The following EXOC1 variants were observed in gnomAD, a reference collection of about 807,000 sequenced individuals.
The protein encoded by EXOC1 is exocyst complex component 1, also known as SEC3-like 1.
A neutral mutation model predicts 107.7 loss-of-function variants in EXOC1; 67 were observed. The ratio of observed to expected loss-of-function variants is 0.62; its 90% CI spans 0.51 to 0.76. The LOEUF (loss-of-function observed/expected upper bound fraction) is 0.76. Ranked by LOEUF, EXOC1 falls within the 30% of genes least tolerant of loss-of-function variation. The pLI is 0.00. For missense variants in EXOC1, 833 were observed against 1,055.7 expected (o/e 0.79, Z 2.92); for synonymous variants, 348 against 353.5 (o/e 0.98, Z 0.17).
At chr4:55,899,609 T>G in intron 16 of EXOC1, 76 bp from the exon 17 acceptor site, 1 of 1,302,094 alleles carries the variant, frequency 7.7e-7, no homozygotes, top group African/African-American at 1.5e-5. Flanking sequence ...TGAAAAAAAA[T>G]TAATAGTATA....
At chr4:55,877,196 A>G (rs1722979225) in intron 8 of EXOC1, 1 of 985,100 alleles carries the variant, frequency 1.0e-6, no homozygotes, top group Admixed American at 6.2e-5. Flanking sequence ...AATTAGCTTT[A>G]GGTAACCTTA....
intron 9 of EXOC1, among the ~76,000 whole-genome samples, chr4:55,879,891 ATAAT>A (rs999363331): frequency 2.0e-5 from 3 of 152,186 alleles, no homozygotes; most frequent in Admixed American, 6.5e-5. Flanking sequence ...AGCTGTGTTA[ATAAT>A]TAATAATAAT....
At chr4:55,900,135 ATTAT>A in intron 17 of EXOC1, among the ~76,000 whole-genome samples, 1 of 152,230 alleles carries the variant, frequency 6.6e-6, no homozygotes, top group Middle Eastern at 3.4e-3. Context: ...TCTATTATGC[ATTAT>A]TTCTTTTAAT....
At chr4:55,881,402 G>GCAC in intron 9 of EXOC1, among the ~76,000 whole-genome samples, 1 of 152,192 alleles carries the variant, frequency 6.6e-6, no homozygotes, top group South Asian at 2.1e-4. Context: ...TTATTGTTGT[G>GCAC]AACCCCAAAT....
rs1724518581 is a variant in EXOC1, at chr4:55,891,326, G to A, written c.1551G>A (p.Gln517=). The A allele has an allele frequency of 6.2e-7, 1 of 1,613,124 alleles. No individual in the cohort carries two copies. The highest frequency in any genetic ancestry group is 1.1e-5 in the South Asian group (1 of 91,062). The change falls in exon 13 of 19, where the codon CAG becomes CAA. Residue 517 remains glutamine (Q), a synonymous_variant. Transcript: ENST00000381295. ...DRTKFDKIFE[Q]VLSELEPLCL... is the part of the protein sequence containing the mutation. ...TTGGTTTTCTTCAGATCTTTGAACA[G>A]GTACTAAGTGAACTGGAGCCCCTAT...
chr4:55,878,196 C>T, intron 9 of EXOC1, 130 bp downstream of exon 9: 1 of 1,013,638 alleles, frequency 9.9e-7, no homozygotes, highest in South Asian at 1.8e-5. Flanking sequence ...TGAGTCAGTG[C>T]TCTTTACCAG....
chr4:55,890,119 C>A, intron 11 of EXOC1, 104 bp from the exon 12 acceptor site: 2 of 1,098,528 alleles, frequency 1.8e-6, no homozygotes, highest in Non-Finnish European at 2.7e-6. Context: ...TAATATGAGC[C>A]CTGGAAGATC....
chr4:55,896,952 T>C (rs1337457152), intron 16 of EXOC1, 52 bp downstream of exon 16: 8 of 1,471,048 alleles, frequency 5.4e-6, no homozygotes, highest in Middle Eastern at 3.8e-4. Flanking sequence ...TTTTTATTTC[T>C]GGTAACTAAG....
chr4:55,890,776 C>T (rs927563963), intron 12 of EXOC1, among the ~76,000 whole-genome samples: 1 of 152,176 alleles, frequency 6.6e-6, no homozygotes, highest in African/African-American at 2.4e-5. Context: ...GTCACCCAGG[C>T]TGGAATGCAG....
intron 8 of EXOC1, among the ~76,000 whole-genome samples, chr4:55,874,674 G>C (rs1037199280): frequency 6.6e-6 from 1 of 152,092 alleles, no homozygotes; most frequent in Non-Finnish European, 1.5e-5. Context: ...AATATAATAT[G>C]AGAGTAATGT....
At position 55,904,558 on chromosome 4, in the gene EXOC1, A is replaced by C; in HGVS notation, c.*63A>C. The C allele has an allele frequency of 2.0e-6, 3 of 1,465,322 alleles. No individual in the cohort carries two copies. Among genetic ancestry groups the C allele is most frequent in the Non-Finnish European group, 2.7e-6 (3 of 1,096,868 alleles). 90.8% of individuals were successfully genotyped at this position (1,465,322 alleles called of 1,614,324 possible). On this transcript the variant is annotated 3_prime_UTR_variant, in exon 19 of 19. Transcript: ENST00000381295. ...TTGAGTATAACAGACACTATACCAA[A>C]ATACCAAGCAACTGTTTTGAGAACC...
chr4:55,878,609 A>G (rs1327931536), intron 9 of EXOC1, among the ~76,000 whole-genome samples: 1 of 152,178 alleles, frequency 6.6e-6, no homozygotes, highest in East Asian at 1.9e-4. Flanking sequence ...GACAAGGAAA[A>G]TCTCTGTCTC....
chr4:55,871,585 G>C (rs1330977725), intron 7 of EXOC1, among the ~76,000 whole-genome samples: 1 of 152,108 alleles, frequency 6.6e-6, no homozygotes, highest in Non-Finnish European at 1.5e-5. Context: ...TAGATTGCCT[G>C]GCCCCAGTCC....
chr4:55,884,897 T>A (rs958280236), intron 10 of EXOC1, among the ~76,000 whole-genome samples: 3 of 152,176 alleles, frequency 2.0e-5, no homozygotes, highest in Non-Finnish European at 2.9e-5. Flanking sequence ...CTCACTGTTT[T>A]TAAAAAAATG....
intron 10 of EXOC1, among the ~76,000 whole-genome samples, chr4:55,887,991 C>T (rs1724090519): frequency 6.6e-6 from 1 of 152,142 alleles, no homozygotes; most frequent in Non-Finnish European, 1.5e-5. Context: ...TGCCTTGAAG[C>T]TTGGCAGGGA....
intron 2 of EXOC1, 118 bp downstream of exon 2, chr4:55,858,565 A>G (rs551322686): frequency 8.9e-7 from 1 of 1,127,564 alleles, no homozygotes; most frequent in Non-Finnish European, 1.2e-6. Flanking sequence ...TTGGGTCAAC[A>G]CATTCCTAGT....
intron 10 of EXOC1, among the ~76,000 whole-genome samples, chr4:55,884,357 G>A (rs1407097597): frequency 6.6e-6 from 1 of 152,144 alleles, no homozygotes; most frequent in East Asian, 1.9e-4. Flanking sequence ...AAATGAAACT[G>A]GTTCCTGGCT....
At chr4:55,896,015 G>T (rs1191519500) in intron 15 of EXOC1, among the ~76,000 whole-genome samples, 1 of 152,160 alleles carries the variant, frequency 6.6e-6, no homozygotes, top group African/African-American at 2.4e-5. Flanking sequence ...TCCTATAGGT[G>T]CTCTGGAATC....
intron 10 of EXOC1, among the ~76,000 whole-genome samples, chr4:55,886,438 A>G (rs1195363852): frequency 2.0e-5 from 3 of 151,996 alleles, no homozygotes; most frequent in Non-Finnish European, 4.4e-5. Context: ...CTGTGGTCCC[A>G]TCTACTCAGG....
Sources: allele counts gnomAD v4.1 joint callset (sites outside exome capture counted in the v4.1 genomes callset), GRCh38; gene constraint gnomAD v4.1.1; transcripts MANE v1.5; gene names NCBI Gene and HGNC (gene_info 2026-07-23, HGNC 2026-07-21).